OSBPL10: variants seen among roughly 807,000 people sequenced by gnomAD.
OSBPL10 encodes the protein oxysterol binding protein like 10.
A neutral mutation model predicts 81.7 loss-of-function variants in OSBPL10; 49 were observed. That is an observed-to-expected ratio of 0.60 (90% confidence interval 0.48 to 0.76). The LOEUF (loss-of-function observed/expected upper bound fraction) is 0.76. Among genes scored for constraint, OSBPL10 ranks in the 30% least tolerant of loss-of-function variants. The pLI, the probability that OSBPL10 is intolerant of heterozygous loss-of-function variation, is 0.00. For missense variants in OSBPL10, 923 were observed against 987.8 expected (o/e 0.93, Z 0.88); for synonymous variants, 419 against 383.6 (o/e 1.09, Z -1.08).
At chr3:31,821,729 C>T (rs1699985852) in intron 4 of OSBPL10, among the ~76,000 whole-genome samples, 1 of 152,150 alleles carries the variant, frequency 6.6e-6, no homozygotes, top group Non-Finnish European at 1.5e-5. Context: ...AAAAACTAAT[C>T]ACTCTGTTCA....
At position 31,885,856 on chromosome 3, in the gene OSBPL10, A is replaced by G. The variant is rs559719606; in HGVS notation, c.282-6026T>C. 3.7e-3 allele frequency among the ~76,000 whole-genome samples: 551 copies of G among 150,590 alleles called. 4 individuals are homozygous for G. The highest frequency in any genetic ancestry group is 0.012 in the African/African-American group (490 of 40,996). On this transcript the variant is annotated intron_variant, in intron 1 of 11. Transcript: ENST00000396556. ...AAAAAAAAAAAAAAATTAGCCTGGC[A>G]TGGTGGCAGGTGCCTGTAATCCTAG...
intron 4 of OSBPL10, among the ~76,000 whole-genome samples, chr3:31,805,463 A>G (rs1364370295): frequency 6.6e-6 from 1 of 152,166 alleles, no homozygotes; most frequent in Non-Finnish European, 1.5e-5. Context: ...TGCAACTATG[A>G]ATTGCCTGGT....
chr3:31,816,785 C>G (rs1699844464), intron 4 of OSBPL10, among the ~76,000 whole-genome samples: 1 of 152,132 alleles, frequency 6.6e-6, no homozygotes, highest in Non-Finnish European at 1.5e-5. Context: ...TAGCGGGTGA[C>G]TCCTTTCTGT....
rs749997172 is a variant in OSBPL10, at chr3:31,733,251, G to A, written c.1095+6C>T. 51 of 1,612,246 alleles carry A rather than the reference G, an allele frequency of 3.2e-5. No homozygotes were observed. Among genetic ancestry groups the A allele is most frequent in the Non-Finnish European group, 3.8e-5 (45 of 1,179,634 alleles). ...CATGAATGCACTGAGAGGACTGCAC[G>A]CTTACCTCTGGCTCTGGCTGTGAGG... On this transcript the variant is annotated splice_donor_region_variant and intron_variant, in intron 6 of 11. Transcript: ENST00000396556.
intron 6 of OSBPL10, among the ~76,000 whole-genome samples, chr3:31,715,926 C>T (rs1696416575): frequency 6.6e-6 from 1 of 152,190 alleles, no homozygotes; most frequent in Non-Finnish European, 1.5e-5. Flanking sequence ...ACACTTGATG[C>T]CACTAATTGC....
chr3:31,842,838 G>A (rs1700532569), intron 3 of OSBPL10, among the ~76,000 whole-genome samples: 1 of 152,192 alleles, frequency 6.6e-6, no homozygotes, highest in South Asian at 2.1e-4. Flanking sequence ...CAAAAGAGAA[G>A]TTATGGAGTT....
At chr3:32,011,568 G>T (rs1198119779) in intron 2 of OSBPL10, among the ~76,000 whole-genome samples, 1 of 152,234 alleles carries the variant, frequency 6.6e-6, no homozygotes, top group African/African-American at 2.4e-5. Flanking sequence ...CTCCTCACCA[G>T]CAATGGAACA....
chr3:31,830,179 G>A lies in OSBPL10; in HGVS notation c.590C>T (p.Pro197Leu), dbSNP rs770510282. The change falls in exon 4 of 12, where the codon CCC (proline) becomes CTC (leucine). Residue 197 changes from proline to leucine, a missense_variant. By Grantham distance (98) the Pro-to-Leu change is moderately conservative. Transcript: ENST00000396556. ...RSLTLLPHGT[P>L]NSASPCSQRH... ...CTGGCTACAGGGAGACGCAGAATTG[G>A]GTGTTCCATGTGGGAGCAAAGTGAG... 2 of 1,614,128 alleles carry A rather than the reference G, an allele frequency of 1.2e-6. No homozygotes were observed. Among genetic ancestry groups the A allele is most frequent in the East Asian group, 2.2e-5 (1 of 44,868 alleles).
intron 1 of OSBPL10, among the ~76,000 whole-genome samples, chr3:31,921,215 A>G (rs943127266): frequency 8.5e-5 from 13 of 152,222 alleles, no homozygotes; most frequent in South Asian, 4.1e-4. Flanking sequence ...ATATGTGTAT[A>G]TATACACCTT....
At chr3:31,809,471 T>C (rs1331920559) in intron 4 of OSBPL10, among the ~76,000 whole-genome samples, 2 of 152,224 alleles carry the variant, frequency 1.3e-5, no homozygotes, top group Admixed American at 1.3e-4. Context: ...TCTTAGAAAG[T>C]ATATCATTCA....
chr3:31,688,145 A>G (rs1022017625), intron 7 of OSBPL10, among the ~76,000 whole-genome samples: 13 of 151,908 alleles, frequency 8.6e-5, no homozygotes, highest in African/African-American at 2.9e-4. Flanking sequence ...CCATACCTCC[A>G]ACTCTCCTCC....
intron 7 of OSBPL10, among the ~76,000 whole-genome samples, chr3:31,696,016 A>G (rs1695711281): frequency 6.6e-6 from 1 of 152,168 alleles, no homozygotes; most frequent in Non-Finnish European, 1.5e-5. Context: ...TAAAGATGAG[A>G]AAACAGAGGC....
intron 1 of OSBPL10, among the ~76,000 whole-genome samples, chr3:31,953,313 C>G (rs1008292931): frequency 2.0e-5 from 3 of 151,984 alleles, no homozygotes; most frequent in Admixed American, 1.3e-4. Context: ...ATCTGCAGAG[C>G]CTTGCTGTGT....
chr3:31,841,583 A>G (rs1700499784), intron 3 of OSBPL10, among the ~76,000 whole-genome samples: 1 of 152,244 alleles, frequency 6.6e-6, no homozygotes, highest in African/African-American at 2.4e-5. Flanking sequence ...TTCAGGTAGC[A>G]GAGTTAGAAA....
At chr3:31,813,478 T>C (rs920110691) in intron 4 of OSBPL10, among the ~76,000 whole-genome samples, 1 of 152,212 alleles carries the variant, frequency 6.6e-6, no homozygotes, top group Admixed American at 6.5e-5. Context: ...AAATGACACA[T>C]AGGAGAAAGT....
intron 1 of OSBPL10, among the ~76,000 whole-genome samples, chr3:32,070,215 G>A (rs1156289820): frequency 1.3e-5 from 2 of 152,130 alleles, no homozygotes; most frequent in South Asian, 2.1e-4. Flanking sequence ...CTTTTCAAGG[G>A]CCTGTTTTCC....
At chr3:32,044,919 A>G (rs1398033570) in intron 2 of OSBPL10, among the ~76,000 whole-genome samples, 1 of 152,198 alleles carries the variant, frequency 6.6e-6, no homozygotes, top group African/African-American at 2.4e-5. Flanking sequence ...TTTGCAGAGA[A>G]GGGAACTTGA....
intron 8 of OSBPL10, among the ~76,000 whole-genome samples, chr3:31,682,916 A>G (rs1361348129): frequency 6.6e-6 from 1 of 152,180 alleles, no homozygotes; most frequent in Non-Finnish European, 1.5e-5. Flanking sequence ...CTAAGGAGCC[A>G]TGTACTCCCT....
intron 6 of OSBPL10, chr3:31,704,901 T>C (rs1367669421): frequency 6.6e-6 from 1 of 152,246 alleles, no homozygotes; most frequent in African/African-American, 2.4e-5. Context: ...AGCCGCATGA[T>C]ACGGAGTACA....
Sources: allele counts gnomAD v4.1 joint callset (sites outside exome capture counted in the v4.1 genomes callset), GRCh38; gene constraint gnomAD v4.1.1; transcripts MANE v1.5; gene names NCBI Gene and HGNC (gene_info 2026-07-23, HGNC 2026-07-21).